CDH18: variants seen among roughly 807,000 people sequenced by gnomAD.
CDH18 encodes cadherin-18.
A neutral mutation model predicts 67.9 loss-of-function variants in CDH18; 31 were observed. The observed-to-expected ratio is 0.46, with a 90% CI of 0.34 to 0.62. The LOEUF (loss-of-function observed/expected upper bound fraction) is 0.62, where lower values mean the gene tolerates loss of function less well. Among genes scored for constraint, CDH18 ranks in the 20% least tolerant of loss-of-function variants. The pLI, the probability that CDH18 is intolerant of heterozygous loss-of-function variation, is 0.01. For missense variants in CDH18, 890 were observed against 975.5 expected (o/e 0.91, Z 1.17); for synonymous variants, 362 against 347.2 (o/e 1.04, Z -0.48).
intron 2 of CDH18, among the ~76,000 whole-genome samples, chr5:19,867,944 T>A (rs1785764947): frequency 6.6e-6 from 1 of 152,172 alleles, no homozygotes. Context: ...GAGTGAGTTC[T>A]CAGGAGATCT....
At chr5:19,670,962 A>G (rs1210272892) in intron 5 of CDH18, among the ~76,000 whole-genome samples, 1 of 152,098 alleles carries the variant, frequency 6.6e-6, no homozygotes, top group East Asian at 1.9e-4. Flanking sequence ...TGAAAAAGAA[A>G]ATTTTAAAAA....
At chr5:19,529,514 G>A (rs1169040647) in intron 9 of CDH18, among the ~76,000 whole-genome samples, 1 of 151,792 alleles carries the variant, frequency 6.6e-6, no homozygotes, top group African/African-American at 2.4e-5. Flanking sequence ...GATGTAAATT[G>A]CAAAATAAAC....
rs187568182 is a variant in CDH18, at chr5:19,635,248, C to T, written c.644-22647G>A. Among the ~76,000 whole-genome samples, 12 of 152,158 alleles carry T rather than the reference C, an allele frequency of 7.9e-5. No homozygotes were observed. The East Asian group carries it at 2.1e-3, about 27-fold the overall frequency. On this transcript the variant is annotated intron_variant, in intron 5 of 12. Coordinates refer to ENST00000382275, the MANE Select transcript of CDH18 (RefSeq NM_004934.5). Reference sequence around the variant, plus strand: ...TGTTCCTTACATGGATTAGAAAATCCATCTAATCACAGTTGCCTGTAGGAG... The same window carrying T: ...TGTTCCTTACATGGATTAGAAAATCTATCTAATCACAGTTGCCTGTAGGAG...
In CDH18 at chr5:19,548,571, G is replaced by T. The variant is rs145651606; in HGVS notation, c.1254-4566C>A. 1.5e-4 allele frequency among the ~76,000 whole-genome samples: 23 copies of T among 151,914 alleles called. No individual in the cohort carries two copies. In the East Asian group the frequency reaches 4.3e-3, roughly 28 times the overall value. ...TGCAGTATACTAGATGGGGTTCTAA[G>T]TGCTTTATAAATATTAGTTCATTAA... On this transcript the variant is annotated intron_variant, in intron 8 of 12. Transcript: ENST00000382275.
At chr5:19,842,529 T>C (rs1782454452) in intron 2 of CDH18, among the ~76,000 whole-genome samples, 1 of 152,196 alleles carries the variant, frequency 6.6e-6, no homozygotes, top group Non-Finnish European at 1.5e-5. Flanking sequence ...TCCCCAGCCA[T>C]GTGGAACTGT....
intron 5 of CDH18, among the ~76,000 whole-genome samples, chr5:19,686,413 T>C (rs551756153): frequency 6.6e-4 from 101 of 152,256 alleles, no homozygotes; most frequent in African/African-American, 2.4e-3. Context: ...GCTTGTGAAT[T>C]GTTAAGTAAT....
At chr5:19,782,924 G>A (rs1775296869) in intron 3 of CDH18, among the ~76,000 whole-genome samples, 1 of 152,116 alleles carries the variant, frequency 6.6e-6, no homozygotes, top group African/African-American at 2.4e-5. Flanking sequence ...CCTACACAAA[G>A]CAATAATATA....
At chr5:19,821,783 G>T (rs1423131188) in intron 3 of CDH18, among the ~76,000 whole-genome samples, 1 of 152,102 alleles carries the variant, frequency 6.6e-6, no homozygotes, top group East Asian at 1.9e-4. Flanking sequence ...AACCTTACAA[G>T]CCTGAAGAGA....
At chr5:20,102,576 T>G (rs1183983942) in intron 2 of CDH18, among the ~76,000 whole-genome samples, 3 of 151,916 alleles carry the variant, frequency 2.0e-5, no homozygotes, top group Non-Finnish European at 4.4e-5. Context: ...CTATAGGAGG[T>G]TTGTGTCAGC....
chr5:19,765,501 T>C (rs1165021255), intron 3 of CDH18, among the ~76,000 whole-genome samples: 1 of 152,190 alleles, frequency 6.6e-6, no homozygotes, highest in African/African-American at 2.4e-5. Context: ...TTAAACCATA[T>C]TATTTGACAG....
At chr5:19,960,050 G>A (rs1796637532) in intron 2 of CDH18, among the ~76,000 whole-genome samples, 1 of 152,082 alleles carries the variant, frequency 6.6e-6, no homozygotes, top group Non-Finnish European at 1.5e-5. Context: ...AGTGAGTGAT[G>A]AGTAAATGTG....
At chr5:20,353,521 T>C (rs139698802) in intron 1 of CDH18, among the ~76,000 whole-genome samples, 35 of 152,328 alleles carry the variant, frequency 2.3e-4, no homozygotes, top group African/African-American at 8.4e-4. Context: ...TTTTATATTC[T>C]GTTTAATTTA....
chr5:20,044,387 T>A (rs1190142834), intron 2 of CDH18, among the ~76,000 whole-genome samples: 1 of 152,162 alleles, frequency 6.6e-6, no homozygotes, highest in Non-Finnish European at 1.5e-5. Flanking sequence ...ATAATTATAA[T>A]AGACATGAAT....
intron 2 of CDH18, among the ~76,000 whole-genome samples, chr5:20,102,765 T>A (rs1746583492): frequency 6.6e-6 from 1 of 151,514 alleles, no homozygotes; most frequent in South Asian, 2.1e-4. Flanking sequence ...GGGAAGGAGG[T>A]GAAGATGAAA....
chr5:19,732,083 T>A (rs1220276195), intron 4 of CDH18, among the ~76,000 whole-genome samples: 2 of 148,396 alleles, frequency 1.3e-5, no homozygotes, highest in Admixed American at 6.6e-5. Context: ...GAGTGAGACC[T>A]TGTCTCAAAA....
chr5:19,712,525 C>T (rs79370172), intron 5 of CDH18, among the ~76,000 whole-genome samples: 6,626 of 151,736 alleles, frequency 0.044, 471 homozygotes, highest in African/African-American at 0.15. Context: ...GAATCAACCA[C>T]TGAAGTGTAA....
chr5:20,363,936 G>C (rs923903933), intron 1 of CDH18, among the ~76,000 whole-genome samples: 4 of 152,080 alleles, frequency 2.6e-5, no homozygotes, highest in Admixed American at 1.3e-4. Context: ...GTGCAGGTAA[G>C]GACACTAAGA....
chr5:20,010,109 TGGA>T (rs1737279402), intron 2 of CDH18, among the ~76,000 whole-genome samples: 1 of 151,364 alleles, frequency 6.6e-6, no homozygotes, highest in Non-Finnish European at 1.5e-5. Context: ...ACATGAATGA[TGGA>T]TTAGTCTATA....
chr5:20,474,985 T>G (rs1288247219), intron 1 of CDH18, among the ~76,000 whole-genome samples: 2 of 152,222 alleles, frequency 1.3e-5, no homozygotes. Flanking sequence ...TATATTTGAA[T>G]AGCTAGCAGA....
Sources: allele counts gnomAD v4.1 joint callset (sites outside exome capture counted in the v4.1 genomes callset), GRCh38; gene constraint gnomAD v4.1.1; transcripts MANE v1.5; gene names NCBI Gene and HGNC (gene_info 2026-07-23, HGNC 2026-07-21).